The following STXBP6 variants were observed in gnomAD, a reference collection of about 807,000 sequenced individuals.
STXBP6 encodes the protein syntaxin-binding protein 6.
Under a neutral mutation model 26.9 loss-of-function variants are expected in STXBP6, and 21 were observed. That is an observed-to-expected ratio of 0.78 (90% CI 0.55 to 1.12). The LOEUF is 1.12. Ranked by LOEUF, STXBP6 falls within the 50% of genes most tolerant of loss-of-function variation. The pLI is 0.00. For synonymous variants in STXBP6, 97 were observed against 92.6 expected (o/e 1.05, Z -0.27); for missense variants, 232 against 257.9 (o/e 0.90, Z 0.69).
chr14:24,922,437 C>T (rs1037403432), intron 2 of STXBP6, among the ~76,000 whole-genome samples: 4 of 152,042 alleles, frequency 2.6e-5, no homozygotes, highest in Non-Finnish European at 5.9e-5. Flanking sequence ...ATTATTTTTC[C>T]TTTTTTAAAA....
intron 2 of STXBP6, among the ~76,000 whole-genome samples, chr14:24,932,493 C>G (rs2072452865): frequency 1.3e-5 from 2 of 151,886 alleles, no homozygotes; most frequent in Non-Finnish European, 2.9e-5. Flanking sequence ...GCACTGCAGC[C>G]TGGATGATAG....
At chr14:24,900,302 G>A (rs1037426975) in intron 2 of STXBP6, among the ~76,000 whole-genome samples, 7 of 152,108 alleles carry the variant, frequency 4.6e-5, no homozygotes, top group African/African-American at 1.4e-4. Context: ...AACATCATCA[G>A]GGAAATGTCC....
At chr14:24,926,313 C>T (rs1054281533) in intron 2 of STXBP6, among the ~76,000 whole-genome samples, 6 of 150,906 alleles carry the variant, frequency 4.0e-5, no homozygotes, top group Middle Eastern at 3.4e-3. Context: ...GGACTAATAG[C>T]GGAGAATAAA....
intron 2 of STXBP6, among the ~76,000 whole-genome samples, chr14:24,889,607 G>T (rs1235447979): frequency 6.6e-6 from 1 of 151,136 alleles, no homozygotes; most frequent in African/African-American, 2.4e-5. Context: ...ACCCAGAAAA[G>T]AAAAAAGTGT....
At chr14:24,846,169 C>G (rs2068954031) in intron 4 of STXBP6, among the ~76,000 whole-genome samples, 2 of 152,198 alleles carry the variant, frequency 1.3e-5, no homozygotes, top group Non-Finnish European at 2.9e-5. Context: ...CAAAGACATT[C>G]TGACTCAAGA....
intron 2 of STXBP6, among the ~76,000 whole-genome samples, chr14:24,899,101 T>C (rs530921918): frequency 4.6e-5 from 7 of 152,232 alleles, no homozygotes; most frequent in African/African-American, 1.7e-4. Flanking sequence ...AAACACACAA[T>C]AGACAGCACT....
chr14:24,922,469 C>A (rs1033346240), intron 2 of STXBP6, among the ~76,000 whole-genome samples: 3 of 152,090 alleles, frequency 2.0e-5, no homozygotes, highest in African/African-American at 7.2e-5. Context: ...AAGGGTATAT[C>A]TTCCTCTTGC....
chr14:24,970,107 G>T (rs2073857851), intron 2 of STXBP6, among the ~76,000 whole-genome samples: 1 of 152,062 alleles, frequency 6.6e-6, no homozygotes, highest in African/African-American at 2.4e-5. Flanking sequence ...TGGGTGCAGT[G>T]GTGTGCGCCT....
chr14:24,826,904 A>C (rs538147620), intron 4 of STXBP6, among the ~76,000 whole-genome samples: 1 of 152,216 alleles, frequency 6.6e-6, no homozygotes, highest in South Asian at 2.1e-4. Context: ...TCAATAAAAA[A>C]CAGTACCTAT....
intron 2 of STXBP6, among the ~76,000 whole-genome samples, chr14:24,919,174 C>T (rs925397414): frequency 6.6e-6 from 1 of 151,970 alleles, no homozygotes; most frequent in African/African-American, 2.4e-5. Flanking sequence ...GGTACTATGT[C>T]GAGTTTAGCA....
chr14:24,814,793 T>C (rs958211303), intron 5 of STXBP6, among the ~76,000 whole-genome samples: 1 of 152,136 alleles, frequency 6.6e-6, no homozygotes, highest in African/African-American at 2.4e-5. Context: ...GAGATTAGTG[T>C]CCTTATAAAG....
chr14:24,970,419 A>G (rs2073871401), intron 2 of STXBP6, among the ~76,000 whole-genome samples: 1 of 152,146 alleles, frequency 6.6e-6, no homozygotes, highest in Admixed American at 6.6e-5. Context: ...TTCTCAGTCA[A>G]TCCTGCCACT....
At chr14:24,889,321 A>ATCATTAATTCCC (rs60169000) in intron 2 of STXBP6, among the ~76,000 whole-genome samples, 55,567 of 150,184 alleles carry the variant, frequency 0.37, 10,518 homozygotes, top group East Asian at 0.44. Context: ...AACAACGACT[A>ATCATTAATTCCC]TCAGGAAAAT....
At chr14:24,884,272 A>T (rs2070486783) in intron 2 of STXBP6, among the ~76,000 whole-genome samples, 1 of 152,226 alleles carries the variant, frequency 6.6e-6, no homozygotes, top group Non-Finnish European at 1.5e-5. Context: ...AAACACATTC[A>T]TATCTTCAAA....
intron 1 of STXBP6, among the ~76,000 whole-genome samples, chr14:25,022,842 T>G (rs528175768): frequency 6.6e-6 from 1 of 152,132 alleles, no homozygotes; most frequent in African/African-American, 2.4e-5. Flanking sequence ...ACATCACCAC[T>G]TGGATGCCTC....
intron 2 of STXBP6, among the ~76,000 whole-genome samples, chr14:24,957,483 A>G (rs2073381619): frequency 6.6e-6 from 1 of 152,246 alleles, no homozygotes; most frequent in Admixed American, 6.5e-5. Context: ...AGGAATGTGC[A>G]AAGTCACCAG....
At chr14:24,832,795 C>T (rs1004047401) in intron 4 of STXBP6, among the ~76,000 whole-genome samples, 2 of 152,188 alleles carry the variant, frequency 1.3e-5, no homozygotes, top group Non-Finnish European at 2.9e-5. Context: ...GACCAACCAA[C>T]TGTATATCTG....
chr14:24,832,105 AGCACT>A (rs1186216424), intron 4 of STXBP6, among the ~76,000 whole-genome samples: 3 of 152,184 alleles, frequency 2.0e-5, no homozygotes, highest in Non-Finnish European at 4.4e-5. Flanking sequence ...TCCCTTTGAA[AGCACT>A]ACCCTTATCT....
At chr14:24,999,500 T>C (rs1473016626) in intron 1 of STXBP6, among the ~76,000 whole-genome samples, 1 of 152,198 alleles carries the variant, frequency 6.6e-6, no homozygotes, top group African/African-American at 2.4e-5. Context: ...ACATGAATGC[T>C]GCTCTAAAGA....
Sources: gnomAD v4.1 joint callset for allele counts (sites outside exome capture counted in the v4.1 genomes callset) on GRCh38, gnomAD v4.1.1 for gene constraint, MANE v1.5 for transcripts, NCBI Gene and HGNC (gene_info 2026-07-23, HGNC 2026-07-21) for gene names.